Variants in ATP8B4 observed in about 807,000 individuals in gnomAD.
ATP8B4 encodes probable phospholipid-transporting ATPase IM.
ATP8B4 carries 133 observed loss-of-function variants against 145.6 expected under a neutral mutation model. The observed-to-expected ratio is 0.91, with a 90% confidence interval of 0.79 to 1.05. ATP8B4 has a LOEUF of 1.05. ATP8B4 is among the 50% of genes least tolerant of loss of function. The pLI is 0.00. For synonymous variants in ATP8B4, 507 were observed against 492.9 expected (o/e 1.03, Z -0.38); for missense variants, 1,458 against 1,425.2 (o/e 1.02, Z -0.37).
Position 49,920,319 on chromosome 15 carries a change from T to C in ATP8B4, c.1850A>G (p.Asp617Gly), listed in dbSNP as rs2040141269. Residue 617 changes from aspartate to glycine, a missense_variant, in exon 18 of 28, where the codon GAT becomes GGT. Coordinates refer to ENST00000284509, the MANE Select transcript of ATP8B4 (RefSeq NM_024837.4). ...YFKEWHKMLE[D>G]ANAATEERDE... The stretch of plus-strand genomic sequence containing the variant: ...CCTCTCTTCTGTGGCAGCATTCGCA[T>C]CTTCAAGCATCTTATGCCACTCTTT... 1 of 1,614,136 alleles carries C rather than the reference T, an allele frequency of 6.2e-7. No homozygotes were observed. The highest frequency in any genetic ancestry group is 8.5e-7 in the Non-Finnish European group (1 of 1,180,056).
chr15:50,158,442 G>A (rs1013793989), intron 1 of ATP8B4, among the ~76,000 whole-genome samples: 6 of 151,038 alleles, frequency 4.0e-5, no homozygotes, highest in Admixed American at 1.3e-4. Context: ...GAGGTGGGGG[G>A]TCAGACCCCG....
intron 1 of ATP8B4, among the ~76,000 whole-genome samples, chr15:50,147,730 A>AT (rs1285150538): frequency 6.6e-6 from 1 of 152,196 alleles, no homozygotes; most frequent in African/African-American, 2.4e-5. Flanking sequence ...ATAACATTGA[A>AT]TTTTTTGAAA....
upstream of ATP8B4, among the ~76,000 whole-genome samples, chr15:50,123,876 C>T (rs368176011): frequency 8.6e-4 from 131 of 152,176 alleles, 1 homozygote; most frequent in South Asian, 6.0e-3. Context: ...CCAAGCATAT[C>T]CTTTCCATAC....
intron 5 of ATP8B4, among the ~76,000 whole-genome samples, chr15:50,041,064 A>G (rs1210408941): frequency 1.3e-5 from 2 of 152,218 alleles, no homozygotes; most frequent in South Asian, 2.1e-4. Context: ...GTAGGATAGT[A>G]AGGTGTCTTT....
chr15:49,866,009 T>C (rs1355901663), intron 26 of ATP8B4, among the ~76,000 whole-genome samples: 1 of 152,252 alleles, frequency 6.6e-6, no homozygotes, highest in Admixed American at 6.5e-5. Flanking sequence ...CTAGTATTTC[T>C]TTTTCTTCTC....
intron 2 of ATP8B4, among the ~76,000 whole-genome samples, chr15:50,085,885 TTATA>T (rs1180384776): frequency 1.4e-5 from 1 of 69,390 alleles, no homozygotes; most frequent in Non-Finnish European, 2.9e-5. Context: ...ATTTATATAT[TTATA>T]TATGATATAT....
At chr15:50,127,894 C>T (rs1341823483) in intron 1 of ATP8B4, among the ~76,000 whole-genome samples, 3 of 152,176 alleles carry the variant, frequency 2.0e-5, no homozygotes, top group African/African-American at 2.4e-5. Flanking sequence ...GTGTGCCTCA[C>T]TGTGGTTCTG....
chr15:50,159,992 T>TA (rs1470109830), intron 1 of ATP8B4, among the ~76,000 whole-genome samples: 1 of 142,010 alleles, frequency 7.0e-6, no homozygotes, highest in Admixed American at 7.2e-5. Flanking sequence ...AAATATTTGA[T>TA]AAAATTCAGC....
At chr15:50,087,869 G>C (rs145690689) in intron 2 of ATP8B4, among the ~76,000 whole-genome samples, 2 of 152,158 alleles carry the variant, frequency 1.3e-5, no homozygotes, top group Non-Finnish European at 2.9e-5. Flanking sequence ...ATTGTTATAT[G>C]AGAGGCAATC....
intron 14 of ATP8B4, among the ~76,000 whole-genome samples, chr15:49,943,360 T>A (rs989372102): frequency 1.3e-5 from 2 of 151,880 alleles, no homozygotes; most frequent in Non-Finnish European, 2.9e-5. Flanking sequence ...GGAGATCCAT[T>A]TTCAAGAAGC....
intron 14 of ATP8B4, among the ~76,000 whole-genome samples, chr15:49,948,571 CAT>C (rs143084474): frequency 0.036 from 5,523 of 152,230 alleles, 127 homozygotes; most frequent in South Asian, 0.084. Context: ...AGCTTTTTTT[CAT>C]ATGTTTGTTA....
intron 2 of ATP8B4, among the ~76,000 whole-genome samples, chr15:50,100,421 C>T (rs1409428755): frequency 6.6e-6 from 1 of 152,138 alleles, no homozygotes; most frequent in Non-Finnish European, 1.5e-5. Flanking sequence ...TTAAGTTATC[C>T]TTGCTACCAT....
chr15:50,115,145 G>T (rs2057126152), intron 1 of ATP8B4, among the ~76,000 whole-genome samples: 1 of 152,158 alleles, frequency 6.6e-6, no homozygotes, highest in Non-Finnish European at 1.5e-5. Context: ...AGGAGTTTGA[G>T]ACCAGTCTGG....
rs138579122 is a variant in ATP8B4, at chr15:50,016,935, G to A, written c.363-6018C>T. On this transcript the variant is annotated intron_variant, in intron 6 of 27. Coordinates refer to ENST00000284509, the MANE Select transcript of ATP8B4 (RefSeq NM_024837.4). Reference sequence around the variant, plus strand: ...ATTCCCTTGAGGGGCAGTGGGCAGGGGAGGTCTCACTTTGTTGCCAAGGCT... The same window carrying A: ...ATTCCCTTGAGGGGCAGTGGGCAGGAGAGGTCTCACTTTGTTGCCAAGGCT... 2.0e-3 allele frequency among the ~76,000 whole-genome samples: 298 copies of A among 152,266 alleles called. 1 individual carries two copies. The highest frequency in any genetic ancestry group is 6.8e-3 in the African/African-American group (283 of 41,546).
At chr15:49,910,342 G>C (rs775503344) in intron 20 of ATP8B4, among the ~76,000 whole-genome samples, 1 of 152,106 alleles carries the variant, frequency 6.6e-6, no homozygotes, top group African/African-American at 2.4e-5. Context: ...CCTACATAAC[G>C]TGCGAGACAA....
At chr15:50,078,819 C>G (rs1279147136) in intron 2 of ATP8B4, among the ~76,000 whole-genome samples, 1 of 152,006 alleles carries the variant, frequency 6.6e-6, no homozygotes, top group Non-Finnish European at 1.5e-5. Flanking sequence ...TTCTCATCAG[C>G]AATAAGGATG....
intron 9 of ATP8B4, among the ~76,000 whole-genome samples, chr15:49,991,528 A>G (rs990637487): frequency 3.3e-5 from 5 of 152,226 alleles, no homozygotes; most frequent in Admixed American, 1.3e-4. Flanking sequence ...AATTCCCATA[A>G]GACTTTAACA....
intron 27 of ATP8B4, among the ~76,000 whole-genome samples, chr15:49,860,692 TAAGAAATA>T (rs1215826302): frequency 1.3e-5 from 2 of 152,186 alleles, no homozygotes; most frequent in African/African-American, 4.8e-5. Context: ...ATTAAGTAAT[TAAGAAATA>T]TCAGACAAAT....
intron 14 of ATP8B4, among the ~76,000 whole-genome samples, chr15:49,935,023 A>G (rs12102012): frequency 0.085 from 12,839 of 150,922 alleles, 1,862 homozygotes; most frequent in African/African-American, 0.31. Context: ...CTAAAGTTAC[A>G]AAAGCAGATA....
Sources: gnomAD v4.1 joint callset for allele counts (sites outside exome capture counted in the v4.1 genomes callset) on GRCh38, gnomAD v4.1.1 for gene constraint, MANE v1.5 for transcripts, NCBI Gene and HGNC (gene_info 2026-07-23, HGNC 2026-07-21) for gene names.